THSD4: variants seen among roughly 807,000 people sequenced by gnomAD.
The protein encoded by THSD4 is thrombospondin type 1 domain containing 4.
In THSD4, 69 loss-of-function variants were observed where a neutral mutation model predicts 119.0. The ratio of observed to expected loss-of-function variants is 0.58; its 90% CI spans 0.48 to 0.71. The LOEUF (loss-of-function observed/expected upper bound fraction) is 0.71, where lower values mean the gene tolerates loss of function less well. Ranked by LOEUF, THSD4 falls within the 30% of genes least tolerant of loss-of-function variation. THSD4 has a pLI of 0.00. For synonymous variants in THSD4, 524 were observed against 540.4 expected (o/e 0.97, Z 0.42); for missense variants, 1,393 against 1,391.1 (o/e 1.00, Z -0.02).
chr15:71,294,979 C>T (rs1191239668), intron 6 of THSD4, among the ~76,000 whole-genome samples: 1 of 150,676 alleles, frequency 6.6e-6, no homozygotes, highest in Non-Finnish European at 1.5e-5. Flanking sequence ...TTTTATGGCA[C>T]CTGGGAACTG....
At chr15:71,445,224 T>G (rs904963668) in intron 7 of THSD4, among the ~76,000 whole-genome samples, 2 of 152,194 alleles carry the variant, frequency 1.3e-5, no homozygotes, top group African/African-American at 4.8e-5. Context: ...CTCCCTGTCG[T>G]GCCCCAAATA....
chr15:71,289,461 T>C (rs1217188456), intron 6 of THSD4, among the ~76,000 whole-genome samples: 1 of 152,114 alleles, frequency 6.6e-6, no homozygotes, highest in Non-Finnish European at 1.5e-5. Context: ...GCACTCTCCA[T>C]TGCTCTCCAC....
At chr15:71,748,742 C>T (rs925682985) in intron 14 of THSD4, 148 bp downstream of exon 14, 27 of 1,032,288 alleles carry the variant, frequency 2.6e-5, no homozygotes, top group Non-Finnish European at 3.6e-5. Context: ...TTATCGTAGG[C>T]TTTCTATCCT....
chr15:71,161,962 T>C (rs1460797809), intron 3 of THSD4, among the ~76,000 whole-genome samples: 1 of 152,066 alleles, frequency 6.6e-6, no homozygotes, highest in Non-Finnish European at 1.5e-5. Flanking sequence ...TTAGTTATAA[T>C]AGACTATTTC....
At chr15:71,312,728 G>A (rs1385335127) in intron 6 of THSD4, among the ~76,000 whole-genome samples, 6 of 151,920 alleles carry the variant, frequency 3.9e-5, no homozygotes, top group Admixed American at 2.6e-4. Context: ...ACTCTAGCAC[G>A]ACTCGGGCTC....
intron 14 of THSD4, among the ~76,000 whole-genome samples, chr15:71,752,670 C>G (rs1307332996): frequency 6.6e-6 from 1 of 152,182 alleles, no homozygotes; most frequent in Non-Finnish European, 1.5e-5. Context: ...ATTCACCGAG[C>G]TTCAGTTTTT....
At position 71,712,202 on chromosome 15, in the gene THSD4, A is replaced by C. The variant is rs2052530695; in HGVS notation, c.1358-16347A>C. ...AATTTAACTGGAAATCAGTAACAGAAAGAGATCTAGAAATTTCCCAAATAT... is the reference window on the plus strand; with the variant it reads ...AATTTAACTGGAAATCAGTAACAGACAGAGATCTAGAAATTTCCCAAATAT... On this transcript the variant is annotated intron_variant, in intron 8 of 17. Coordinates refer to ENST00000261862, the MANE Select transcript of THSD4 (RefSeq NM_024817.3). 2.1e-5 allele frequency among the ~76,000 whole-genome samples: 3 copies of C among 141,908 alleles called. No homozygotes were observed. The South Asian group carries it at 6.2e-4, about 29-fold the overall frequency. The allele number at this position is 141,908 out of a possible 152,430, so 93.1% of individuals were successfully genotyped here.
At chr15:71,664,727 G>T (rs2051381776) in intron 8 of THSD4, among the ~76,000 whole-genome samples, 1 of 152,088 alleles carries the variant, frequency 6.6e-6, no homozygotes, top group African/African-American at 2.4e-5. Flanking sequence ...GCTCCCACTT[G>T]TAAGTGATAG....
At chr15:71,382,667 T>C (rs971209581) in intron 6 of THSD4, among the ~76,000 whole-genome samples, 1 of 152,190 alleles carries the variant, frequency 6.6e-6, no homozygotes, top group Non-Finnish European at 1.5e-5. Context: ...TATCTAGTTT[T>C]AATTACCTTA....
chr15:71,443,635 C>T (rs1041246239), intron 7 of THSD4, among the ~76,000 whole-genome samples: 1 of 152,114 alleles, frequency 6.6e-6, no homozygotes, highest in South Asian at 2.1e-4. Context: ...CCTTCCAGGT[C>T]CCCCTGCTGG....
At chr15:71,212,758 C>T (rs1355589222) in intron 3 of THSD4, among the ~76,000 whole-genome samples, 3 of 152,216 alleles carry the variant, frequency 2.0e-5, no homozygotes, top group Admixed American at 6.5e-5. Flanking sequence ...TAGCCTGAGA[C>T]GGAGGACAAG....
chr15:71,765,700 T>A (rs12916283), intron 16 of THSD4, among the ~76,000 whole-genome samples: 218 of 152,144 alleles, frequency 1.4e-3, no homozygotes, highest in African/African-American at 5.1e-3. Context: ...GCTAGGAGTT[T>A]GACACCAGCC....
chr15:71,186,248 A>G (rs1285369062), intron 3 of THSD4: 1 of 152,214 alleles, frequency 6.6e-6, no homozygotes, highest in East Asian at 1.9e-4. Context: ...AGGAATAGCA[A>G]ATACAAAGAC....
At chr15:71,746,234 T>G (rs2053333486) in intron 12 of THSD4, among the ~76,000 whole-genome samples, 1 of 147,952 alleles carries the variant, frequency 6.8e-6, no homozygotes, top group African/African-American at 2.5e-5. Context: ...CCTTTGGAGG[T>G]TTTTTTTTTA....
intron 7 of THSD4, among the ~76,000 whole-genome samples, chr15:71,488,861 TCTA>T (rs1376656427): frequency 6.6e-6 from 1 of 152,266 alleles, no homozygotes; most frequent in Admixed American, 6.5e-5. Context: ...TTCTGTTTAT[TCTA>T]CTATTAGCGA....
intron 6 of THSD4, among the ~76,000 whole-genome samples, chr15:71,310,247 T>C (rs956529664): frequency 6.6e-6 from 1 of 152,126 alleles, no homozygotes; most frequent in Non-Finnish European, 1.5e-5. Context: ...CTAGGAGAGA[T>C]CCATTAGAAT....
At chr15:71,253,715 A>G (rs1384794335) in intron 5 of THSD4, among the ~76,000 whole-genome samples, 1 of 152,284 alleles carries the variant, frequency 6.6e-6, no homozygotes, top group East Asian at 1.9e-4. Context: ...GCCAATTGTC[A>G]CTTTTATTAC....
At chr15:71,654,665 C>T (rs16955973) in intron 7 of THSD4, among the ~76,000 whole-genome samples, 4,484 of 152,244 alleles carry the variant, frequency 0.029, 236 homozygotes, top group African/African-American at 0.1. Context: ...CATGAATAAA[C>T]GTTTTGGCAT....
chr15:71,669,107 T>C (rs1270774973), intron 8 of THSD4, among the ~76,000 whole-genome samples: 2 of 152,212 alleles, frequency 1.3e-5, no homozygotes, highest in African/African-American at 4.8e-5. Flanking sequence ...GTCGTGCCAA[T>C]TTACACTCCC....
Sources: allele counts gnomAD v4.1 joint callset (sites outside exome capture counted in the v4.1 genomes callset), GRCh38; gene constraint gnomAD v4.1.1; transcripts MANE v1.5; gene names NCBI Gene and HGNC (gene_info 2026-07-23, HGNC 2026-07-21).